Variants in HYDIN observed in about 807,000 individuals in gnomAD.
The protein encoded by HYDIN is axonemal central pair apparatus protein HYDIN.
A neutral mutation model predicts 403.9 loss-of-function variants in HYDIN; 132 were observed. That is an observed-to-expected ratio of 0.33 (90% CI 0.28 to 0.38). HYDIN has a LOEUF of 0.38. Among genes scored for constraint, HYDIN ranks in the 10% least tolerant of loss-of-function variants. The pLI is 1.00. For synonymous variants in HYDIN, 1,202 were observed against 1,891.7 expected (o/e 0.64, Z 9.46); for missense variants, 2,827 against 5,009.5 (o/e 0.56, Z 13.15).
At chr16:71,159,892 T>C (rs1467279129) in intron 6 of HYDIN, among the ~76,000 whole-genome samples, 1 of 149,552 alleles carries the variant, frequency 6.7e-6, no homozygotes, top group African/African-American at 2.5e-5. Flanking sequence ...GAATTTACAG[T>C]AGACTTGTGC....
At chr16:71,088,564 C>T (rs376352466) in intron 11 of HYDIN, 40 bp from the exon 12 acceptor site, 219 of 628,740 alleles carry the variant, frequency 3.5e-4, no homozygotes, top group African/African-American at 3.4e-3. Context: ...GTCAATGGGC[C>T]TCTGACCTAT....
chr16:70,860,060 G>A lies in HYDIN; in HGVS notation c.12129+8C>T, dbSNP rs776245391. ...GCCTTGGGTTGAGTGGTTCTCATCT[G>A]CACATACCTCGGCTTTCTTTTCAGG... On this transcript the variant is annotated splice_region_variant and intron_variant, in intron 71 of 85. Transcript: ENST00000393567. The A allele has an allele frequency of 1.0e-5, 16 of 1,604,862 alleles. 1 individual carries two copies. In the Admixed American group the frequency reaches 2.7e-4, roughly 27 times the overall value.
intron 11 of HYDIN, among the ~76,000 whole-genome samples, chr16:71,088,983 G>C (rs2083019027): frequency 8.4e-6 from 1 of 119,204 alleles, no homozygotes; most frequent in African/African-American, 3.4e-5. Context: ...GTAGCTTGAA[G>C]AATGTAAATG....
intron 22 of HYDIN, among the ~76,000 whole-genome samples, chr16:71,019,309 T>C (rs967960894): frequency 2.0e-5 from 3 of 152,282 alleles, no homozygotes; most frequent in Non-Finnish European, 4.4e-5. Context: ...GGAATGAATC[T>C]GTTTTCAGTG....
chr16:70,958,923 A>G (rs1429663896), intron 39 of HYDIN, among the ~76,000 whole-genome samples: 1 of 148,768 alleles, frequency 6.7e-6, no homozygotes, highest in Non-Finnish European at 1.5e-5. Flanking sequence ...ATGTCCTTGA[A>G]TTTCTCTGAA....
chr16:70,879,768 G>C lies in HYDIN; in HGVS notation c.10216-12C>G, dbSNP rs760296862. 2.0e-6 allele frequency: 2 copies of C among 1,010,796 alleles called. No homozygotes were observed. Among genetic ancestry groups the C allele is most frequent in the Non-Finnish European group, 2.9e-6 (2 of 679,090 alleles). 62.6% of individuals were successfully genotyped at this position (1,010,796 alleles called of 1,614,324 possible). A position where few individuals can be genotyped will look rare whatever the true frequency, so the allele number is the denominator to read the frequency against. ...ATGCGGGCAAAGGGCTGGTGATGGG[G>C]GCAGAGACCAGAGTGTGTCAGTGCC... On this transcript the variant is annotated splice_polypyrimidine_tract_variant and intron_variant, in intron 60 of 85. Coordinates refer to ENST00000393567, the MANE Select transcript of HYDIN (RefSeq NM_001270974.2).
At chr16:70,850,856 A>G (rs1358273729) in intron 73 of HYDIN, among the ~76,000 whole-genome samples, 1 of 152,180 alleles carries the variant, frequency 6.6e-6, no homozygotes, top group Non-Finnish European at 1.5e-5. Context: ...ATGGAAAAAG[A>G]TAGAGATCCT....
Position 71,189,259 on chromosome 16 carries a change from G to A in HYDIN, c.-23-2341C>T, listed in dbSNP as rs746527632. Reference sequence around the variant, plus strand: ...AGAAGGAGTAAAGGAACAGGGTAGAGGAGATAGGAATGAAAGAGAGATTTC... The same window carrying A: ...AGAAGGAGTAAAGGAACAGGGTAGAAGAGATAGGAATGAAAGAGAGATTTC... On this transcript the variant is annotated intron_variant, in intron 1 of 85. Coordinates refer to ENST00000393567, the MANE Select transcript of HYDIN (RefSeq NM_001270974.2). Among the ~76,000 whole-genome samples the A allele has an allele frequency of 3.3e-5, 5 of 152,162 alleles. No individual in the cohort carries two copies. In the South Asian group the frequency reaches 1.0e-3, roughly 32 times the overall value.
chr16:70,940,846 G>A (rs1298973250), intron 43 of HYDIN, among the ~76,000 whole-genome samples: 2 of 152,274 alleles, frequency 1.3e-5, no homozygotes, highest in Non-Finnish European at 2.9e-5. Context: ...AAGCCGGAGT[G>A]AGGAAGGGCA....
chr16:71,115,981 T>C (rs1342682347), intron 9 of HYDIN, among the ~76,000 whole-genome samples, 186 bp from the exon 10 acceptor site: 1 of 152,136 alleles, frequency 6.6e-6, no homozygotes. Context: ...AATCAACACA[T>C]CTATCTCCTC....
chr16:71,010,242 C>T (rs2080036782), intron 23 of HYDIN, among the ~76,000 whole-genome samples: 2 of 151,852 alleles, frequency 1.3e-5, no homozygotes, highest in African/African-American at 4.8e-5. Flanking sequence ...ACTTTTGGCT[C>T]CAATCCAAAC....
chr16:71,192,803 C>A (rs1164061165), intron 1 of HYDIN, among the ~76,000 whole-genome samples: 1 of 152,060 alleles, frequency 6.6e-6, no homozygotes, highest in Admixed American at 6.6e-5. Context: ...TTCCCAGCAC[C>A]CTGTACAGGG....
chr16:71,170,270 C>A (rs2086408159), intron 5 of HYDIN, among the ~76,000 whole-genome samples: 1 of 152,078 alleles, frequency 6.6e-6, no homozygotes, highest in Admixed American at 6.5e-5. Flanking sequence ...TAATTCCAAC[C>A]AGTAAGTGCA....
chr16:70,836,829 C>T (rs2037459897), intron 77 of HYDIN, among the ~76,000 whole-genome samples: 1 of 152,176 alleles, frequency 6.6e-6, no homozygotes, highest in Non-Finnish European at 1.5e-5. Flanking sequence ...CCCAAAATAT[C>T]CAATACATAA....
At chr16:70,920,407 T>C (rs2076957902) in intron 46 of HYDIN, among the ~76,000 whole-genome samples, 184 bp downstream of exon 46, 1 of 151,136 alleles carries the variant, frequency 6.6e-6, no homozygotes, top group South Asian at 2.1e-4. Flanking sequence ...ACATTTCCTA[T>C]GAATTTTCTC....
intron 1 of HYDIN, among the ~76,000 whole-genome samples, chr16:71,211,358 G>T (rs1231194451): frequency 6.6e-6 from 1 of 151,996 alleles, no homozygotes; most frequent in African/African-American, 2.4e-5. Flanking sequence ...TCCCCTGGAG[G>T]GACCGGGTAC....
chr16:71,084,916 T>G (rs576781537), intron 12 of HYDIN, among the ~76,000 whole-genome samples: 1 of 151,784 alleles, frequency 6.6e-6, no homozygotes, highest in African/African-American at 2.4e-5. Context: ...GATTTTCTTA[T>G]GTTAAGCCAA....
chr16:71,075,215 C>CTA (rs1329896240), intron 13 of HYDIN, among the ~76,000 whole-genome samples: 1 of 152,022 alleles, frequency 6.6e-6, no homozygotes, highest in African/African-American at 2.4e-5. Flanking sequence ...TGCATAGCTG[C>CTA]TATATCATCA....
chr16:70,848,782 G>C (rs1280915444), intron 75 of HYDIN, among the ~76,000 whole-genome samples: 2 of 107,004 alleles, frequency 1.9e-5, no homozygotes, highest in African/African-American at 7.5e-5. Flanking sequence ...GGTCTTTCCT[G>C]AGCAGTAACA....
Sources: gnomAD v4.1 joint callset for allele counts (sites outside exome capture counted in the v4.1 genomes callset) on GRCh38, gnomAD v4.1.1 for gene constraint, MANE v1.5 for transcripts, NCBI Gene and HGNC (gene_info 2026-07-23, HGNC 2026-07-21) for gene names.